Variants in AKAP6 observed in about 807,000 individuals in gnomAD.
AKAP6 encodes the protein A-kinase anchor protein 6.
AKAP6 carries 58 observed loss-of-function variants against 188.5 expected under a neutral mutation model. The observed-to-expected ratio is 0.31, with a 90% CI of 0.25 to 0.38. AKAP6 has a LOEUF of 0.38. Ranked by LOEUF, AKAP6 falls within the 10% of genes least tolerant of loss-of-function variation. AKAP6 has a pLI of 1.00. For synonymous variants in AKAP6, 989 were observed against 998.6 expected (o/e 0.99, Z 0.18); for missense variants, 2,710 against 2,740.0 (o/e 0.99, Z 0.24).
rs2034821417 is a variant in AKAP6 at position 32,831,691 on chromosome 14, A to T, written c.*1886A>T. On this transcript the variant is annotated 3_prime_UTR_variant, in exon 14 of 14. Transcript: ENST00000280979. ...GTTGCAGAGCTGAGGAACAGAGCAAATGTAGTGATAGAAGCGCAATGAGAG... is the reference window on the plus strand; with the variant it reads ...GTTGCAGAGCTGAGGAACAGAGCAATTGTAGTGATAGAAGCGCAATGAGAG... The T allele has an allele frequency of 1.3e-5, 2 of 152,288 alleles. No homozygotes were observed. The highest frequency in any genetic ancestry group is 1.9e-4 in the East Asian group (1 of 5,200). 9.4% of individuals were successfully genotyped at this position (152,288 alleles called of 1,614,324 possible). A position where few individuals can be genotyped will look rare whatever the true frequency, so the allele number is the denominator to read the frequency against.
intron 2 of AKAP6, among the ~76,000 whole-genome samples, chr14:32,434,960 G>A (rs1481025524): frequency 1.2e-4 from 18 of 152,192 alleles, no homozygotes; most frequent in Admixed American, 1.0e-3. Flanking sequence ...ATTTCTACAG[G>A]TTATTAGGGA....
At chr14:32,544,162 A>C (rs1436447682) in intron 3 of AKAP6, among the ~76,000 whole-genome samples, 2 of 152,294 alleles carry the variant, frequency 1.3e-5, no homozygotes, top group South Asian at 2.1e-4. Context: ...ATCCAGCTTC[A>C]ATTGGCTCAC....
At chr14:32,492,351 TATATAGAG>T (rs1566536869) in intron 2 of AKAP6, among the ~76,000 whole-genome samples, 3 of 54,904 alleles carry the variant, frequency 5.5e-5, no homozygotes, top group Admixed American at 3.0e-4. Context: ...TATATATATA[TATATAGAG>T]AGAGAGAGAG....
At chr14:32,396,658 C>G (rs571720018) in intron 1 of AKAP6, among the ~76,000 whole-genome samples, 26 of 152,134 alleles carry the variant, frequency 1.7e-4, no homozygotes, top group South Asian at 4.1e-4. Flanking sequence ...AGTAAGCTCT[C>G]TCTCTCTCTT....
intron 7 of AKAP6, among the ~76,000 whole-genome samples, chr14:32,656,035 A>C (rs1366106366): frequency 6.6e-6 from 1 of 152,178 alleles, no homozygotes; most frequent in Admixed American, 6.5e-5. Context: ...GTTGGTTGAC[A>C]TGAAACATAA....
chr14:32,545,060 T>C (rs1464332617), intron 3 of AKAP6, among the ~76,000 whole-genome samples, 170 bp from the exon 4 acceptor site: 1 of 152,178 alleles, frequency 6.6e-6, no homozygotes, highest in Non-Finnish European at 1.5e-5. Context: ...AGATACTATA[T>C]AAAGCAATGT....
chr14:32,529,078 T>A (rs1236897901), intron 2 of AKAP6, among the ~76,000 whole-genome samples: 2 of 152,194 alleles, frequency 1.3e-5, no homozygotes, highest in Non-Finnish European at 1.5e-5. Flanking sequence ...AACTAACATC[T>A]TGATAATATT....
intron 9 of AKAP6, among the ~76,000 whole-genome samples, chr14:32,703,969 T>C (rs1453200941): frequency 1.3e-5 from 2 of 152,210 alleles, no homozygotes; most frequent in Non-Finnish European, 2.9e-5. Flanking sequence ...AATAAACTAA[T>C]CTTGGATGTA....
chr14:32,542,260 T>C (rs768509326), intron 3 of AKAP6, among the ~76,000 whole-genome samples: 2 of 152,164 alleles, frequency 1.3e-5, no homozygotes, highest in Non-Finnish European at 2.9e-5. Flanking sequence ...AACTATGTAA[T>C]CAGAGAAAGA....
At chr14:32,591,654 T>C (rs1345316500) in intron 5 of AKAP6, among the ~76,000 whole-genome samples, 1 of 151,828 alleles carries the variant, frequency 6.6e-6, no homozygotes, top group Non-Finnish European at 1.5e-5. Flanking sequence ...TTCTCTTTTT[T>C]TTTTTTTTTT....
intron 2 of AKAP6, among the ~76,000 whole-genome samples, chr14:32,516,770 CAT>C (rs1881543644): frequency 1.3e-5 from 2 of 152,054 alleles, no homozygotes; most frequent in African/African-American, 4.8e-5. Context: ...TTTTTCAATA[CAT>C]GTTTTTCCTA....
At chr14:32,584,673 T>A (rs1413394656) in intron 5 of AKAP6, among the ~76,000 whole-genome samples, 1 of 151,536 alleles carries the variant, frequency 6.6e-6, no homozygotes, top group African/African-American at 2.5e-5. Context: ...AAGCAATCCT[T>A]GATCTGCTTT....
intron 1 of AKAP6, among the ~76,000 whole-genome samples, chr14:32,337,844 A>T (rs777813250): frequency 4.6e-5 from 7 of 152,028 alleles, no homozygotes; most frequent in Non-Finnish European, 1.0e-4. Context: ...GGAGAAAAAG[A>T]TAACATAACC....
chr14:32,399,650 C>T (rs1353478130), intron 1 of AKAP6, among the ~76,000 whole-genome samples: 2 of 152,112 alleles, frequency 1.3e-5, no homozygotes, highest in Admixed American at 6.5e-5. Context: ...ACTTCTCTTC[C>T]AGCCCAGGCT....
intron 2 of AKAP6, among the ~76,000 whole-genome samples, chr14:32,527,328 C>T (rs1478558301): frequency 6.6e-6 from 1 of 151,944 alleles, no homozygotes; most frequent in African/African-American, 2.4e-5. Context: ...AAAGTTTATC[C>T]ATTCACCTAC....
At chr14:32,497,384 A>C (rs1880372735) in intron 2 of AKAP6, among the ~76,000 whole-genome samples, 1 of 152,182 alleles carries the variant, frequency 6.6e-6, no homozygotes, top group African/African-American at 2.4e-5. Context: ...TGGAGTATTT[A>C]GAAGTGCATT....
intron 2 of AKAP6, among the ~76,000 whole-genome samples, chr14:32,443,804 G>A (rs1890671140): frequency 6.6e-6 from 1 of 152,156 alleles, no homozygotes; most frequent in Non-Finnish European, 1.5e-5. Context: ...TACTTTAAAT[G>A]TACTATCTTA....
At chr14:32,667,388 A>G (rs1212891252) in intron 7 of AKAP6, among the ~76,000 whole-genome samples, 1 of 152,084 alleles carries the variant, frequency 6.6e-6, no homozygotes, top group Non-Finnish European at 1.5e-5. Context: ...GATTGACAGG[A>G]AAAACCAACA....
At chr14:32,805,468 A>G (rs917251210) in intron 12 of AKAP6, among the ~76,000 whole-genome samples, 10 of 152,118 alleles carry the variant, frequency 6.6e-5, no homozygotes, top group African/African-American at 2.2e-4. Context: ...ACTATAGGCT[A>G]TTTGCCTTCT....
Sources: gnomAD v4.1 joint callset for allele counts (sites outside exome capture counted in the v4.1 genomes callset) on GRCh38, gnomAD v4.1.1 for gene constraint, MANE v1.5 for transcripts, NCBI Gene and HGNC (gene_info 2026-07-23, HGNC 2026-07-21) for gene names.